CADPS2: variants seen among roughly 807,000 people sequenced by gnomAD.
CADPS2 encodes the protein calcium-dependent secretion activator 2.
CADPS2 carries 93 observed loss-of-function variants against 172.5 expected under a neutral mutation model. The ratio of observed to expected loss-of-function variants is 0.54; its 90% CI spans 0.46 to 0.64. The LOEUF (loss-of-function observed/expected upper bound fraction) is 0.64, where lower values mean the gene tolerates loss of function less well. Among genes scored for constraint, CADPS2 ranks in the 30% least tolerant of loss-of-function variants. The pLI is 0.00. For missense variants in CADPS2, 1,420 were observed against 1,565.9 expected (o/e 0.91, Z 1.57); for synonymous variants, 546 against 555.2 (o/e 0.98, Z 0.23).
At chr7:122,358,995 T>C (rs1446461241) in intron 27 of CADPS2, among the ~76,000 whole-genome samples, 1 of 152,106 alleles carries the variant, frequency 6.6e-6, no homozygotes, top group Non-Finnish European at 1.5e-5. Context: ...CCCTATGTCT[T>C]TTGTCTTTAA....
At chr7:122,351,443 T>C (rs1321407396) in intron 27 of CADPS2, among the ~76,000 whole-genome samples, 1 of 142,336 alleles carries the variant, frequency 7.0e-6, no homozygotes, top group East Asian at 2.0e-4. Flanking sequence ...GCCAGTTAAC[T>C]TTTTTTTTTG....
chr7:122,494,174 C>T (rs538702017), intron 9 of CADPS2, among the ~76,000 whole-genome samples: 1 of 152,286 alleles, frequency 6.6e-6, no homozygotes, highest in South Asian at 2.1e-4. Flanking sequence ...TTTCCCTCAG[C>T]TTCTGCTGAG....
chr7:122,327,849 G>T (rs2034178499), intron 28 of CADPS2, among the ~76,000 whole-genome samples: 1 of 151,872 alleles, frequency 6.6e-6, no homozygotes, highest in African/African-American at 2.4e-5. Flanking sequence ...TAAGTAAAAT[G>T]TTTAAGCTAT....
At chr7:122,497,813 G>T (rs2058863053) in intron 9 of CADPS2, among the ~76,000 whole-genome samples, 1 of 151,914 alleles carries the variant, frequency 6.6e-6, no homozygotes, top group Non-Finnish European at 1.5e-5. Context: ...TCTTTAATTT[G>T]TTCTTACTCA....
At chr7:122,707,779 T>C (rs900752973) in intron 2 of CADPS2, among the ~76,000 whole-genome samples, 1 of 151,620 alleles carries the variant, frequency 6.6e-6, no homozygotes, top group African/African-American at 2.4e-5. Context: ...TCTTTACTTT[T>C]ACAATTTTTA....
chr7:122,344,228 G>T (rs1335939387), intron 28 of CADPS2, among the ~76,000 whole-genome samples: 1 of 152,180 alleles, frequency 6.6e-6, no homozygotes, highest in South Asian at 2.1e-4. Flanking sequence ...ATAATTAAGT[G>T]AAACTGCCAG....
chr7:122,623,163 C>G (rs942346218), intron 4 of CADPS2, among the ~76,000 whole-genome samples: 1 of 149,346 alleles, frequency 6.7e-6, no homozygotes, highest in African/African-American at 2.5e-5. Flanking sequence ...AAGCAACATT[C>G]CAAAACAGCA....
intron 1 of CADPS2, among the ~76,000 whole-genome samples, chr7:122,763,768 A>G (rs2138838548): frequency 6.6e-6 from 1 of 152,300 alleles, no homozygotes; most frequent in East Asian, 1.9e-4. Flanking sequence ...AAAGACAGAC[A>G]TGAAATGTTT....
chr7:122,350,764 T>C (rs1052037394), intron 27 of CADPS2, among the ~76,000 whole-genome samples: 2 of 151,956 alleles, frequency 1.3e-5, no homozygotes, highest in African/African-American at 4.8e-5. Flanking sequence ...GGTGGGAGGA[T>C]TGCTTGAGGC....
chr7:122,698,483 C>A (rs749064628), intron 2 of CADPS2: 4 of 1,613,830 alleles, frequency 2.5e-6, no homozygotes, highest in Non-Finnish European at 3.4e-6. Context: ...TCTTCAAATG[C>A]CTGATGAAAC....
chr7:122,591,248 C>T lies in CADPS2; in HGVS notation c.1224-9958G>A, dbSNP rs11767257. 2.7e-3 allele frequency among the ~76,000 whole-genome samples: 415 copies of T among 151,824 alleles called. 3 individuals carry two copies. The highest frequency in any genetic ancestry group is 8.9e-3 in the African/African-American group (370 of 41,446). On this transcript the variant is annotated intron_variant, in intron 6 of 29. Coordinates refer to ENST00000449022, the MANE Select transcript of CADPS2 (RefSeq NM_017954.11). ...ACTCCCACTCACAATTGCTTCAAAGCGAATAAAATACTTAGGAATCCAACT... is the reference window on the plus strand; with the variant it reads ...ACTCCCACTCACAATTGCTTCAAAGTGAATAAAATACTTAGGAATCCAACT...
chr7:122,759,924 A>T (rs990789531), intron 1 of CADPS2, among the ~76,000 whole-genome samples: 2 of 152,016 alleles, frequency 1.3e-5, no homozygotes, highest in Non-Finnish European at 1.5e-5. Context: ...CACAGCTAAT[A>T]TGAGTCTTTA....
chr7:122,478,799 T>C (rs2056982271), intron 12 of CADPS2, among the ~76,000 whole-genome samples: 1 of 152,134 alleles, frequency 6.6e-6, no homozygotes, highest in Non-Finnish European at 1.5e-5. Context: ...GAAAGGCATC[T>C]AAGTCAGAGA....
intron 1 of CADPS2, among the ~76,000 whole-genome samples, chr7:122,822,096 G>A (rs1230622599): frequency 1.3e-5 from 2 of 151,600 alleles, no homozygotes; most frequent in African/African-American, 2.4e-5. Context: ...AGCCATCACA[G>A]CTGATATCTC....
chr7:122,617,245 C>T (rs1298735991), intron 5 of CADPS2, among the ~76,000 whole-genome samples: 1 of 152,106 alleles, frequency 6.6e-6, no homozygotes, highest in African/African-American at 2.4e-5. Context: ...CCTGCAGAAT[C>T]GTCATTTTCA....
At chr7:122,656,482 C>A (rs1240092996) in intron 3 of CADPS2, among the ~76,000 whole-genome samples, 1 of 152,116 alleles carries the variant, frequency 6.6e-6, no homozygotes, top group Non-Finnish European at 1.5e-5. Flanking sequence ...GACTGGGAAG[C>A]TGCATCCAGG....
intron 1 of CADPS2, among the ~76,000 whole-genome samples, chr7:122,868,425 C>T (rs1818845426): frequency 6.6e-6 from 1 of 152,140 alleles, no homozygotes; most frequent in African/African-American, 2.4e-5. Flanking sequence ...ATTTAACATT[C>T]TAACCTCTCC....
At chr7:122,838,000 G>T (rs1415359882) in intron 1 of CADPS2, among the ~76,000 whole-genome samples, 1 of 152,080 alleles carries the variant, frequency 6.6e-6, no homozygotes, top group East Asian at 1.9e-4. Context: ...AGACGAATAT[G>T]CCTGATGAAT....
At chr7:122,391,305 G>A (rs1304569645) in intron 22 of CADPS2, among the ~76,000 whole-genome samples, 1 of 151,846 alleles carries the variant, frequency 6.6e-6, no homozygotes, top group African/African-American at 2.4e-5. Context: ...GCCCCAATTT[G>A]TCATTATTCC....
Sources: gnomAD v4.1 joint callset for allele counts (sites outside exome capture counted in the v4.1 genomes callset) on GRCh38, gnomAD v4.1.1 for gene constraint, MANE v1.5 for transcripts, NCBI Gene and HGNC (gene_info 2026-07-23, HGNC 2026-07-21) for gene names.